Variants in SLC16A7 observed in about 807,000 individuals in gnomAD.
SLC16A7 encodes the protein monocarboxylate transporter 2.
In SLC16A7, 33 loss-of-function variants were observed where a neutral mutation model predicts 34.9. The observed-to-expected ratio is 0.94, with a 90% CI of 0.72 to 1.26. The LOEUF (loss-of-function observed/expected upper bound fraction) is 1.26, where lower values mean the gene tolerates loss of function less well. Ranked by LOEUF, SLC16A7 falls within the 50% of genes most tolerant of loss-of-function variation. The probability of loss-of-function intolerance (pLI) is 0.00; values close to 1 mark genes in which losing one functional copy is unlikely to be tolerated. For synonymous variants in SLC16A7, 201 were observed against 206.6 expected (o/e 0.97, Z 0.23); for missense variants, 573 against 578.1 (o/e 0.99, Z 0.09).
At position 59,711,659 on chromosome 12, in the gene SLC16A7, C is replaced by A. The variant is rs116447675; in HGVS notation, c.217+6641C>A. Among the ~76,000 whole-genome samples, 285 of 152,188 alleles carry A rather than the reference C, an allele frequency of 1.9e-3. 1 individual carries two copies. Among genetic ancestry groups the A allele is most frequent in the African/African-American group, 6.2e-3 (257 of 41,524 alleles). On this transcript the variant is annotated intron_variant, in intron 3 of 5. Transcript: ENST00000547379. ...CAGCCTCCTGAATATTCTGGGACTA[C>A]AGAGGTGCACCACCATGCCCAGCTA...
chr12:59,602,657 G>A lies in SLC16A7; in HGVS notation c.-130+6421G>A, dbSNP rs931983096. On this transcript the variant is annotated intron_variant, in intron 1 of 5. Coordinates refer to ENST00000547379, the MANE Select transcript of SLC16A7 (RefSeq NM_001270623.2). The stretch of plus-strand genomic sequence containing the variant: ...CACCATCACGTCTGGCTAATTTTTT[G>A]TATTTTTAGTAGAAATAGGGTTTCA... Among the ~76,000 whole-genome samples the A allele has an allele frequency of 2.6e-5, 4 of 151,474 alleles. No individual in the cohort carries two copies. In the East Asian group the frequency reaches 5.8e-4, roughly 22 times the overall value.
At chr12:59,713,016 T>TTTTCTTTTCTTTTC (rs1565666768) in intron 3 of SLC16A7, among the ~76,000 whole-genome samples, 2 of 151,854 alleles carry the variant, frequency 1.3e-5, no homozygotes, top group African/African-American at 4.8e-5. Flanking sequence ...CTTTTCTTTT[T>TTTTCTTTTCTTTTC]TTTTCTTTTC....
Position 59,780,076 on chromosome 12 carries a change from T to C in SLC16A7, c.*397T>C, listed in dbSNP as rs1202370834. ...GTGACCCTTTATACATTTCATTTTT[T>C]ATTTGATATTAAAGTATGAGATAGA... On this transcript the variant is annotated 3_prime_UTR_variant, in exon 6 of 6. Transcript: ENST00000547379. 1 of 163,384 alleles carries C rather than the reference T, an allele frequency of 6.1e-6. No individual in the cohort carries two copies. Among genetic ancestry groups the C allele is most frequent in the Non-Finnish European group, 1.3e-5 (1 of 74,440 alleles). The allele number at this position is 163,384 out of a possible 1,614,324, so 10.1% of individuals were successfully genotyped here. A position where few individuals can be genotyped will look rare whatever the true frequency, so the allele number is the denominator to read the frequency against.
At chr12:59,681,928 G>C (rs1291281277) in intron 2 of SLC16A7, among the ~76,000 whole-genome samples, 2 of 151,552 alleles carry the variant, frequency 1.3e-5, no homozygotes, top group African/African-American at 4.9e-5. Flanking sequence ...GAGCCAATTA[G>C]AGTCCTGAGA....
Position 59,775,066 on chromosome 12 carries a change from G to A in SLC16A7, c.771G>A (p.Met257Ile), listed in dbSNP as rs1215504285. The change falls in exon 5 of 6, where the codon ATG becomes ATA. Residue 257 changes from methionine to isoleucine, a missense_variant. Physicochemically the swap from Met to Ile is conservative, Grantham distance 10. Transcript: ENST00000547379. ...FLIYLSGNVI[M>I]FLGFFAPIIF... The stretch of plus-strand genomic sequence containing the variant: ...TATATCTGTCTGGAAATGTCATTAT[G>A]TTCCTAGGTTTTTTTGCCCCCATTA... The A allele has an allele frequency of 6.2e-7, 1 of 1,614,084 alleles. No homozygotes were observed. The highest frequency in any genetic ancestry group is 8.5e-7 in the Non-Finnish European group (1 of 1,179,980).
intron 3 of SLC16A7, among the ~76,000 whole-genome samples, chr12:59,712,172 C>T (rs1270956625): frequency 6.6e-6 from 1 of 152,164 alleles, no homozygotes; most frequent in African/African-American, 2.4e-5. Context: ...GTTTTTGATT[C>T]ACTGCAGTTG....
intron 3 of SLC16A7, among the ~76,000 whole-genome samples, chr12:59,762,524 A>C (rs1487170794): frequency 6.6e-6 from 1 of 152,162 alleles, no homozygotes; most frequent in Non-Finnish European, 1.5e-5. Context: ...GGACATATTC[A>C]ATGTAAAACA....
rs572641958 is a variant in SLC16A7 at position 59,780,820 on chromosome 12, C to T, written c.*1141C>T. The T allele has an allele frequency of 6.6e-6, 1 of 152,232 alleles. No homozygotes were observed. Among genetic ancestry groups the T allele is most frequent in the African/African-American group, 2.4e-5 (1 of 41,550 alleles). 9.4% of individuals were successfully genotyped at this position (152,232 alleles called of 1,614,324 possible). On this transcript the variant is annotated 3_prime_UTR_variant, in exon 6 of 6. Coordinates refer to ENST00000547379, the MANE Select transcript of SLC16A7 (RefSeq NM_001270623.2). ...GGGTGGTTTTAATGAACCCTCTAAG[C>T]TCTCTCAGTTCCTTCCCTTCCACAA...
chr12:59,742,631 A>G (rs1277705268), intron 3 of SLC16A7, among the ~76,000 whole-genome samples: 2 of 152,266 alleles, frequency 1.3e-5, no homozygotes, highest in African/African-American at 4.8e-5. Flanking sequence ...GTTTGAAACA[A>G]TCAGGCATCT....
intron 2 of SLC16A7, among the ~76,000 whole-genome samples, chr12:59,702,786 C>T (rs374200073): frequency 4.6e-5 from 7 of 151,908 alleles, no homozygotes; most frequent in East Asian, 3.9e-4. Context: ...ATAAAAATGC[C>T]GAGGATTTTT....
intron 3 of SLC16A7, among the ~76,000 whole-genome samples, chr12:59,761,841 TA>T (rs1881047829): frequency 6.6e-6 from 1 of 152,230 alleles, no homozygotes; most frequent in East Asian, 1.9e-4. Flanking sequence ...TTCAAGGCTT[TA>T]AACAGAAATT....
intron 3 of SLC16A7, among the ~76,000 whole-genome samples, chr12:59,721,233 C>T (rs1042433448): frequency 6.6e-6 from 1 of 151,996 alleles, no homozygotes; most frequent in Non-Finnish European, 1.5e-5. Flanking sequence ...CAGAAGGTAA[C>T]TTCAATTCCT....
intron 3 of SLC16A7, among the ~76,000 whole-genome samples, chr12:59,713,398 A>C (rs181596133): frequency 4.6e-4 from 70 of 152,344 alleles, no homozygotes; most frequent in Non-Finnish European, 7.1e-4. Context: ...TGAAGAATTT[A>C]CCGCAGTTCT....
intron 1 of SLC16A7, among the ~76,000 whole-genome samples, chr12:59,612,278 T>A (rs1879233096): frequency 6.6e-6 from 1 of 152,214 alleles, no homozygotes; most frequent in African/African-American, 2.4e-5. Context: ...AAACCACGTG[T>A]AAGACGCCAA....
chr12:59,634,989 C>T (rs1003836090), intron 1 of SLC16A7, among the ~76,000 whole-genome samples: 1 of 152,038 alleles, frequency 6.6e-6, no homozygotes. Context: ...AATGCAACTA[C>T]CCCTTTAGAA....
chr12:59,687,668 T>C (rs1167272957), intron 2 of SLC16A7, among the ~76,000 whole-genome samples: 3 of 152,264 alleles, frequency 2.0e-5, no homozygotes, highest in Middle Eastern at 3.4e-3. Flanking sequence ...TTAGGCACTA[T>C]GGGTCAGCTG....
intron 3 of SLC16A7, among the ~76,000 whole-genome samples, chr12:59,725,070 A>C (rs1876078186): frequency 6.6e-6 from 1 of 151,886 alleles, no homozygotes; most frequent in East Asian, 1.9e-4. Context: ...CTTTCCCTCA[A>C]GAACACATCC....
At chr12:59,600,894 A>T (rs571469474) in intron 1 of SLC16A7, among the ~76,000 whole-genome samples, 2 of 152,218 alleles carry the variant, frequency 1.3e-5, no homozygotes, top group South Asian at 4.1e-4. Context: ...ATTAATACTC[A>T]TTGAAGTCTC....
intron 3 of SLC16A7, 84 bp downstream of exon 3, chr12:59,705,102 T>C: frequency 2.2e-6 from 2 of 908,064 alleles, no homozygotes; most frequent in Admixed American, 3.8e-5. Context: ...TGTCTTGGTA[T>C]ATTAAAACCC....
Sources: gnomAD v4.1 joint callset for allele counts (sites outside exome capture counted in the v4.1 genomes callset) on GRCh38, gnomAD v4.1.1 for gene constraint, MANE v1.5 for transcripts, NCBI Gene and HGNC (gene_info 2026-07-23, HGNC 2026-07-21) for gene names.